CTNNA3: variants seen among roughly 807,000 people sequenced by gnomAD.
CTNNA3 encodes the protein catenin alpha 3.
In CTNNA3, 76 loss-of-function variants were observed where a neutral mutation model predicts 95.7. That is an observed-to-expected ratio of 0.79 (90% CI 0.66 to 0.96). The LOEUF is 0.96. Ranked by LOEUF, CTNNA3 falls within the 40% of genes least tolerant of loss-of-function variation. CTNNA3 has a pLI of 0.00. For missense variants in CTNNA3, 1,191 were observed against 1,089.8 expected (o/e 1.09, Z -1.31); for synonymous variants, 431 against 374.4 (o/e 1.15, Z -1.74).
intron 2 of CTNNA3, among the ~76,000 whole-genome samples, chr10:67,607,460 C>G (rs1044901625): frequency 2.0e-5 from 3 of 151,888 alleles, no homozygotes; most frequent in Non-Finnish European, 4.4e-5. Flanking sequence ...TATTCATATT[C>G]CTGAGGAAGA....
At chr10:66,337,766 G>A (rs1392643531) in intron 12 of CTNNA3, among the ~76,000 whole-genome samples, 1 of 152,076 alleles carries the variant, frequency 6.6e-6, no homozygotes, top group Non-Finnish European at 1.5e-5. Context: ...GAACAAGAAT[G>A]TAAAGAAATG....
At chr10:67,263,930 T>C (rs1866715378) in intron 5 of CTNNA3, among the ~76,000 whole-genome samples, 1 of 151,978 alleles carries the variant, frequency 6.6e-6, no homozygotes, top group African/African-American at 2.4e-5. Context: ...TGGAACTGAA[T>C]TGTAATAAAA....
At chr10:66,777,406 G>C (rs1324189294) in intron 7 of CTNNA3, among the ~76,000 whole-genome samples, 4 of 152,144 alleles carry the variant, frequency 2.6e-5, no homozygotes, top group Non-Finnish European at 5.9e-5. Context: ...AGAGAAGTAA[G>C]AAAAGGGAAA....
chr10:66,845,213 A>G (rs1410637082), intron 7 of CTNNA3, among the ~76,000 whole-genome samples: 3 of 152,212 alleles, frequency 2.0e-5, no homozygotes, highest in African/African-American at 7.2e-5. Context: ...TGCACTGAAT[A>G]TAACCTGAAT....
chr10:65,923,201 T>C (rs992513178), intron 17 of CTNNA3, among the ~76,000 whole-genome samples: 4 of 152,228 alleles, frequency 2.6e-5, no homozygotes, highest in African/African-American at 9.6e-5. Context: ...AAAGGGCATA[T>C]GTATATGTAA....
At chr10:67,038,092 C>T (rs1006510265) in intron 7 of CTNNA3, among the ~76,000 whole-genome samples, 8 of 152,068 alleles carry the variant, frequency 5.3e-5, no homozygotes, top group South Asian at 2.1e-4. Flanking sequence ...TTATTTATTT[C>T]GATTTAATAG....
Position 67,180,395 on chromosome 10 carries a change from T to C in CTNNA3, c.969A>G (p.Leu323=). The part of the protein sequence containing the change: ...LLADSSCTRD[L]HRERIIAECN... ...ATTCTGCGATAATCCGCTCTCGGTG[T>C]AAGTCCCTCGTACATGAAGAATCCG... Residue 323 remains leucine, a synonymous_variant, in exon 7 of 18, where the codon TTA becomes TTG. Coordinates refer to ENST00000433211, the MANE Select transcript of CTNNA3 (RefSeq NM_013266.4). The C allele has an allele frequency of 6.2e-7, 1 of 1,613,728 alleles. No homozygotes were observed. Among genetic ancestry groups the C allele is most frequent in the Non-Finnish European group, 8.5e-7 (1 of 1,179,834 alleles).
intron 9 of CTNNA3, among the ~76,000 whole-genome samples, chr10:66,668,833 T>A (rs377746664): frequency 2.0e-5 from 3 of 151,814 alleles, no homozygotes; most frequent in Admixed American, 6.6e-5. Context: ...AATAATAAAA[T>A]ATCTCACATA....
At chr10:67,161,626 G>A (rs1479356791) in intron 7 of CTNNA3, among the ~76,000 whole-genome samples, 1 of 151,608 alleles carries the variant, frequency 6.6e-6, no homozygotes, top group African/African-American at 2.4e-5. Context: ...AAAAACAGAG[G>A]GAACAAACAG....
intron 16 of CTNNA3, among the ~76,000 whole-genome samples, chr10:65,972,989 T>C (rs2078140176): frequency 6.7e-6 from 1 of 149,302 alleles, no homozygotes; most frequent in Non-Finnish European, 1.5e-5. Flanking sequence ...ACACACAGCA[T>C]GATACTGGCA....
intron 9 of CTNNA3, among the ~76,000 whole-genome samples, chr10:66,745,161 T>C (rs531773962): frequency 4.5e-4 from 68 of 152,290 alleles, no homozygotes; most frequent in African/African-American, 1.4e-3. Context: ...GGTCTGGAGC[T>C]CTCTTTACAC....
intron 1 of CTNNA3, among the ~76,000 whole-genome samples, chr10:67,704,415 G>T (rs1589576544): frequency 6.6e-6 from 1 of 152,248 alleles, no homozygotes; most frequent in African/African-American, 2.4e-5. Context: ...CATGGTACTG[G>T]TACCAAAACA....
Position 66,907,057 on chromosome 10 carries a change from C to T in CTNNA3, c.1048-131533G>A, listed in dbSNP as rs78525189. ...TCCTACTGAGGTTTTGATCAGGCTG[C>T]ATTGAATTTATACACTGATTAATTT... On this transcript the variant is annotated intron_variant, in intron 7 of 17. Transcript: ENST00000433211. Among the ~76,000 whole-genome samples the T allele has an allele frequency of 6.0e-3, 917 of 152,202 alleles. 8 individuals carry two copies. The highest frequency in any genetic ancestry group is 0.021 in the African/African-American group (860 of 41,536).
intron 7 of CTNNA3, among the ~76,000 whole-genome samples, chr10:67,088,480 G>A (rs1033431972): frequency 6.6e-6 from 1 of 151,612 alleles, no homozygotes; most frequent in Non-Finnish European, 1.5e-5. Context: ...ATTTTTTATT[G>A]CAAAGATAAA....
intron 3 of CTNNA3, among the ~76,000 whole-genome samples, chr10:67,596,760 T>C (rs1162235495): frequency 6.6e-6 from 1 of 152,216 alleles, no homozygotes; most frequent in African/African-American, 2.4e-5. Context: ...ATAGTCATCT[T>C]GTATAGTATG....
At chr10:66,522,630 G>A (rs1185515461) in intron 10 of CTNNA3, among the ~76,000 whole-genome samples, 1 of 151,788 alleles carries the variant, frequency 6.6e-6, no homozygotes, top group Non-Finnish European at 1.5e-5. Flanking sequence ...GTGGAGCTGT[G>A]GGTCAATTAA....
intron 5 of CTNNA3, among the ~76,000 whole-genome samples, chr10:67,262,631 T>A (rs1316538491): frequency 1.3e-5 from 2 of 152,166 alleles, no homozygotes; most frequent in African/African-American, 2.4e-5. Context: ...ACAGTTTTTT[T>A]AAAAAACAGC....
chr10:67,738,581 T>G (rs950322314), intron 1 of CTNNA3, among the ~76,000 whole-genome samples: 3 of 151,632 alleles, frequency 2.0e-5, no homozygotes, highest in African/African-American at 7.3e-5. Flanking sequence ...GGAACAAAGC[T>G]GGGGGGAGAA....
At chr10:66,947,695 AT>A (rs958949736) in intron 7 of CTNNA3, among the ~76,000 whole-genome samples, 90 of 152,136 alleles carry the variant, frequency 5.9e-4, no homozygotes, top group African/African-American at 2.0e-3. Context: ...GTTTTCAAAT[AT>A]TTTTTTCTTT....
Sources: allele counts gnomAD v4.1 joint callset (sites outside exome capture counted in the v4.1 genomes callset), GRCh38; gene constraint gnomAD v4.1.1; transcripts MANE v1.5; gene names NCBI Gene and HGNC (gene_info 2026-07-23, HGNC 2026-07-21).